Variants in RANBP17 observed in about 807,000 individuals in gnomAD.
The protein encoded by RANBP17 is ran-binding protein 17.
Under a neutral mutation model 141.2 loss-of-function variants are expected in RANBP17, and 158 were observed. That is an observed-to-expected ratio of 1.12 (90% CI 0.98 to 1.28). The LOEUF is 1.28. Ranked by LOEUF, RANBP17 falls within the 50% of genes most tolerant of loss-of-function variation. The probability of loss-of-function intolerance (pLI) is 0.00; values close to 1 mark genes in which losing one functional copy is unlikely to be tolerated. For missense variants in RANBP17, 1,438 were observed against 1,290.7 expected (o/e 1.11, Z -1.75); for synonymous variants, 430 against 450.0 (o/e 0.96, Z 0.56).
chr5:170,903,837 C>A, intron 5 of RANBP17: 1 of 437,640 alleles, frequency 2.3e-6, no homozygotes. Flanking sequence ...GGCAAATTTG[C>A]TCAACCTAAC....
chr5:170,958,710 T>G (rs1775921631), intron 13 of RANBP17, among the ~76,000 whole-genome samples: 1 of 151,936 alleles, frequency 6.6e-6, no homozygotes, highest in Non-Finnish European at 1.5e-5. Context: ...TGCCAAAACT[T>G]CATGTGCTAT....
chr5:171,006,735 T>TA (rs768833788), intron 14 of RANBP17, among the ~76,000 whole-genome samples: 9 of 114,776 alleles, frequency 7.8e-5, no homozygotes, highest in African/African-American at 1.1e-4. Context: ...CTCTAAAACT[T>TA]AAAGTATTAA....
chr5:171,218,066 T>C (rs1323462699), intron 21 of RANBP17, among the ~76,000 whole-genome samples: 1 of 152,240 alleles, frequency 6.6e-6, no homozygotes, highest in Non-Finnish European at 1.5e-5. Context: ...TTTAGCTGTG[T>C]CCCAGAGATT....
At chr5:171,245,461 T>C (rs959215094) in intron 24 of RANBP17, among the ~76,000 whole-genome samples, 3 of 152,026 alleles carry the variant, frequency 2.0e-5, no homozygotes, top group Non-Finnish European at 4.4e-5. Context: ...ATTACAGGCA[T>C]GCACCACCAC....
At chr5:171,280,264 CT>C (rs1767773595) in intron 25 of RANBP17, among the ~76,000 whole-genome samples, 1 of 151,778 alleles carries the variant, frequency 6.6e-6, no homozygotes, top group Non-Finnish European at 1.5e-5. Context: ...GTTTTTTGGG[CT>C]TTTTGGGGGT....
chr5:171,051,318 AC>A (rs774248675), intron 14 of RANBP17, among the ~76,000 whole-genome samples: 2 of 152,064 alleles, frequency 1.3e-5, no homozygotes, highest in Non-Finnish European at 2.9e-5. Context: ...TGCATTCGCC[AC>A]CTCTCTCTAG....
chr5:171,125,091 T>G (rs1426214726), intron 14 of RANBP17, among the ~76,000 whole-genome samples: 1 of 151,916 alleles, frequency 6.6e-6, no homozygotes, highest in Non-Finnish European at 1.5e-5. Context: ...GGTCAGGAGT[T>G]CAAAACCAGC....
At chr5:170,904,985 G>T (rs573009513) in intron 5 of RANBP17, among the ~76,000 whole-genome samples, 2 of 152,218 alleles carry the variant, frequency 1.3e-5, no homozygotes, top group East Asian at 3.9e-4. Flanking sequence ...TTTCTCAAAA[G>T]AATTCTAATT....
chr5:171,259,021 A>C (rs1344611384), intron 24 of RANBP17, among the ~76,000 whole-genome samples: 2 of 152,192 alleles, frequency 1.3e-5, no homozygotes, highest in Non-Finnish European at 2.9e-5. Flanking sequence ...CTCAATTAAT[A>C]GGAAAAAACA....
intron 14 of RANBP17, among the ~76,000 whole-genome samples, chr5:171,080,244 AACACACACACACACACAC>A (rs5873252): frequency 1.4e-5 from 2 of 147,796 alleles, no homozygotes; most frequent in Non-Finnish European, 3.0e-5. Context: ...ACACACACAA[AACACACACACACACACAC>A]ACACACACAC....
intron 13 of RANBP17, among the ~76,000 whole-genome samples, chr5:170,966,909 CAG>C (rs1411705129): frequency 2.6e-5 from 4 of 152,116 alleles, no homozygotes; most frequent in African/African-American, 9.7e-5. Context: ...AACAGACAAA[CAG>C]AGATCCAAAT....
At chr5:170,899,045 A>T (rs896650296) in intron 5 of RANBP17, among the ~76,000 whole-genome samples, 38 of 152,276 alleles carry the variant, frequency 2.5e-4, no homozygotes, top group Middle Eastern at 3.4e-3. Flanking sequence ...AGTTTTTTCT[A>T]ATTCTGTGAA....
intron 14 of RANBP17, among the ~76,000 whole-genome samples, chr5:171,109,108 C>T (rs1322500158): frequency 1.3e-5 from 2 of 152,026 alleles, no homozygotes; most frequent in Non-Finnish European, 2.9e-5. Flanking sequence ...ACACAGAAAA[C>T]GGTATACAGG....
intron 9 of RANBP17, 77 bp downstream of exon 9, chr5:170,916,661 G>T: frequency 9.6e-6 from 8 of 837,174 alleles, no homozygotes; most frequent in East Asian, 6.4e-5. Flanking sequence ...AACTCATCAT[G>T]AATTTATTAT....
intron 14 of RANBP17, among the ~76,000 whole-genome samples, chr5:171,064,409 A>G (rs913104357): frequency 1.1e-4 from 16 of 152,342 alleles, no homozygotes; most frequent in Admixed American, 3.3e-4. Context: ...TCTCTTTTAT[A>G]TGAATGAAAT....
At chr5:171,017,495 T>A (rs544495595) in intron 14 of RANBP17, among the ~76,000 whole-genome samples, 220 of 152,328 alleles carry the variant, frequency 1.4e-3, no homozygotes, top group African/African-American at 4.5e-3. Flanking sequence ...TGCATTTCTC[T>A]GATGATCAGT....
chr5:171,034,780 G>A (rs1293379924), intron 14 of RANBP17, among the ~76,000 whole-genome samples: 2 of 151,988 alleles, frequency 1.3e-5, no homozygotes, highest in African/African-American at 4.8e-5. Context: ...CATCTTTTGG[G>A]GGAAAAAGAG....
chr5:171,039,451 A>G (rs990376991), intron 14 of RANBP17, among the ~76,000 whole-genome samples: 11 of 150,816 alleles, frequency 7.3e-5, no homozygotes, highest in Non-Finnish European at 1.2e-4. Flanking sequence ...TTTTTTGCTT[A>G]TTGAATTAAG....
intron 13 of RANBP17, among the ~76,000 whole-genome samples, chr5:170,962,528 G>A (rs3849710): frequency 0.6 from 90,949 of 151,644 alleles, 28,988 homozygotes; most frequent in South Asian, 0.88. Flanking sequence ...CCTTATTTAA[G>A]TCACTTGACA....
Sources: allele counts gnomAD v4.1 joint callset (sites outside exome capture counted in the v4.1 genomes callset), GRCh38; gene constraint gnomAD v4.1.1; transcripts MANE v1.5; gene names NCBI Gene and HGNC (gene_info 2026-07-23, HGNC 2026-07-21).